SEPTIN14: variants seen among roughly 807,000 people sequenced by gnomAD.
SEPTIN14 encodes the protein septin 14, also known as septin-14.
In SEPTIN14, 40 loss-of-function variants were observed where a neutral mutation model predicts 53.6. That is an observed-to-expected ratio of 0.75 (90% CI 0.58 to 0.97). The LOEUF is 0.97. Ranked by LOEUF, SEPTIN14 falls within the 50% of genes least tolerant of loss-of-function variation. SEPTIN14 has a pLI of 0.00. For missense variants in SEPTIN14, 471 were observed against 508.2 expected (o/e 0.93, Z 0.70); for synonymous variants, 138 against 166.8 (o/e 0.83, Z 1.33).
At chr7:55,796,317 G>C (rs919728066) in intron 9 of SEPTIN14, among the ~76,000 whole-genome samples, 2 of 151,890 alleles carry the variant, frequency 1.3e-5, no homozygotes, top group Non-Finnish European at 2.9e-5. Flanking sequence ...AGGCTGGAGT[G>C]CAGTGGCGCG....
chr7:55,855,040 G>A (rs1412661068), intron 2 of SEPTIN14, among the ~76,000 whole-genome samples: 2 of 143,438 alleles, frequency 1.4e-5, no homozygotes, highest in South Asian at 2.2e-4. Flanking sequence ...ACAGAGTCTC[G>A]CTCTTTCGCC....
At chr7:55,799,292 G>A (rs943556939) in intron 9 of SEPTIN14, among the ~76,000 whole-genome samples, 1 of 151,106 alleles carries the variant, frequency 6.6e-6, no homozygotes, top group African/African-American at 2.4e-5. Flanking sequence ...GATCACTTGA[G>A]GTCAGGAGTT....
intron 9 of SEPTIN14, chr7:55,798,197 T>C: frequency 4.0e-6 from 1 of 251,582 alleles, no homozygotes; most frequent in South Asian, 9.2e-5. Flanking sequence ...CCCAGCAACC[T>C]GCCAGACACT....
At chr7:55,812,560 T>C (rs933613960) in intron 7 of SEPTIN14, among the ~76,000 whole-genome samples, 7 of 152,158 alleles carry the variant, frequency 4.6e-5, no homozygotes, top group African/African-American at 1.7e-4. Flanking sequence ...CTACTGTATA[T>C]TTCAAAATTG....
Position 55,815,521 on chromosome 7 carries a change from T to C in SEPTIN14, c.817+3606A>G, listed in dbSNP as rs193119460. Among the ~76,000 whole-genome samples the C allele has an allele frequency of 2.3e-4, 35 of 152,332 alleles. No homozygotes were observed. The East Asian group carries it at 6.5e-3, about 28-fold the overall frequency. ...CAAATGTCTTCTTTTGTCTTATTGATAATAACTGTTTTAACATGTGTGAAG... is the reference window on the plus strand; with the variant it reads ...CAAATGTCTTCTTTTGTCTTATTGACAATAACTGTTTTAACATGTGTGAAG... On this transcript the variant is annotated intron_variant, in intron 7 of 9. Transcript: ENST00000388975.
intron 6 of SEPTIN14, among the ~76,000 whole-genome samples, chr7:55,826,604 C>A (rs1788991225): frequency 6.6e-6 from 1 of 152,228 alleles, no homozygotes; most frequent in Middle Eastern, 3.4e-3. Context: ...TCAAGACCAG[C>A]CTGGCCAACA....
intron 5 of SEPTIN14, among the ~76,000 whole-genome samples, chr7:55,841,948 T>A (rs1009686730): frequency 7.3e-5 from 11 of 151,024 alleles, no homozygotes; most frequent in Non-Finnish European, 1.5e-4. Context: ...GGCCAGAGAA[T>A]CACTTGAACC....
At chr7:55,839,749 T>C (rs1453789732) in intron 5 of SEPTIN14, among the ~76,000 whole-genome samples, 1 of 152,104 alleles carries the variant, frequency 6.6e-6, no homozygotes, top group Non-Finnish European at 1.5e-5. Context: ...AAATGTGAGT[T>C]GTCTCCCCCA....
At chr7:55,815,203 T>C (rs1158546607) in intron 7 of SEPTIN14, among the ~76,000 whole-genome samples, 3 of 152,076 alleles carry the variant, frequency 2.0e-5, no homozygotes, top group East Asian at 3.8e-4. Context: ...CAAAAAACAT[T>C]GGGGAAGCTC....
chr7:55,847,539 TA>T (rs1198343825), intron 2 of SEPTIN14, among the ~76,000 whole-genome samples: 1 of 152,176 alleles, frequency 6.6e-6, no homozygotes, highest in African/African-American at 2.4e-5. Context: ...TACATTAGCC[TA>T]CAGTTGGGCA....
Position 55,807,070 on chromosome 7 carries a change from C to T in SEPTIN14, c.986+20G>A. On this transcript the variant is annotated intron_variant, in intron 8 of 9. Coordinates refer to ENST00000388975, the MANE Select transcript of SEPTIN14 (RefSeq NM_207366.3). ...CTCCTAAATTATCCATTTGGTTGTGCTAGCAATATTTTTACTCACCTAACT... is the reference window on the plus strand; with the variant it reads ...CTCCTAAATTATCCATTTGGTTGTGTTAGCAATATTTTTACTCACCTAACT... The T allele has an allele frequency of 6.5e-7, 1 of 1,549,084 alleles. No individual in the cohort carries two copies. The highest frequency in any genetic ancestry group is 8.7e-7 in the Non-Finnish European group (1 of 1,152,648).
intron 6 of SEPTIN14, among the ~76,000 whole-genome samples, chr7:55,826,755 C>T (rs1201421100): frequency 2.0e-5 from 3 of 151,444 alleles, no homozygotes; most frequent in Admixed American, 2.0e-4. Flanking sequence ...CGAGGCCATG[C>T]CATTGTACTC....
intron 9 of SEPTIN14, among the ~76,000 whole-genome samples, chr7:55,802,977 G>T (rs952208391): frequency 6.7e-6 from 1 of 149,708 alleles, no homozygotes; most frequent in Non-Finnish European, 1.5e-5. Flanking sequence ...TCACTCTGCT[G>T]CCCAGGCTAG....
chr7:55,832,795 A>G (rs1322558774), intron 6 of SEPTIN14, among the ~76,000 whole-genome samples: 1 of 152,100 alleles, frequency 6.6e-6, no homozygotes, highest in Admixed American at 6.6e-5. Context: ...ATTGGTAGTG[A>G]GATGTGATCA....
chr7:55,844,571 G>C lies in SEPTIN14; in HGVS notation c.323C>G (p.Thr108Ser), dbSNP rs1475375139. ...ACCATACCCTACTGTCTCCACAACA[G>C]TCAATTTCAACTGAACATTGCTTTC... ...LQESNVQLKL[T>S]VVETVGYGDQ... Residue 108 changes from threonine (T) to serine (S), a missense_variant, in exon 4 of 10, where the codon ACT becomes AGT. Physicochemically the swap from Thr to Ser is moderately conservative, Grantham distance 58 (BLOSUM62 1). Coordinates refer to ENST00000388975, the MANE Select transcript of SEPTIN14 (RefSeq NM_207366.3). 6.2e-7 allele frequency: 1 copy of C among 1,605,332 alleles called. No individual in the cohort carries two copies. The highest frequency in any genetic ancestry group is 1.7e-5 in the Admixed American group (1 of 59,872).
intron 6 of SEPTIN14, among the ~76,000 whole-genome samples, chr7:55,834,026 A>C (rs537938024): frequency 1.3e-5 from 2 of 152,272 alleles, no homozygotes; most frequent in South Asian, 4.1e-4. Context: ...GACCAATAAC[A>C]AATAGAGAAA....
chr7:55,839,527 C>A (rs2116042481), intron 5 of SEPTIN14, among the ~76,000 whole-genome samples: 1 of 151,728 alleles, frequency 6.6e-6, no homozygotes, highest in Non-Finnish European at 1.5e-5. Context: ...AAGAAACTAA[C>A]AATAATAACT....
intron 6 of SEPTIN14, among the ~76,000 whole-genome samples, chr7:55,832,202 AACACACACACACACACACACACAC>A (rs112349116): frequency 6.9e-6 from 1 of 145,006 alleles, no homozygotes; most frequent in African/African-American, 2.5e-5. Flanking sequence ...CTCTGTCTCA[AACACACACACACACACACACACAC>A]ACACACACAC....
chr7:55,855,209 C>T (rs1307123668), intron 2 of SEPTIN14, among the ~76,000 whole-genome samples: 1 of 152,090 alleles, frequency 6.6e-6, no homozygotes, highest in African/African-American at 2.4e-5. Flanking sequence ...GGGGTTTCAC[C>T]GTGTTAGCCA....
Sources: allele counts gnomAD v4.1 joint callset (sites outside exome capture counted in the v4.1 genomes callset), GRCh38; gene constraint gnomAD v4.1.1; transcripts MANE v1.5; gene names NCBI Gene and HGNC (gene_info 2026-07-23, HGNC 2026-07-21).